The following IL1RAPL2 variants were observed in gnomAD, a reference collection of about 807,000 sequenced individuals.
The protein encoded by IL1RAPL2 is interleukin 1 receptor accessory protein like 2.
IL1RAPL2 carries 3 observed loss-of-function variants against 44.1 expected under a neutral mutation model. The ratio of observed to expected loss-of-function variants is 0.07; its 90% CI spans 0.03 to 0.18. The LOEUF (loss-of-function observed/expected upper bound fraction) is 0.18, where lower values mean the gene tolerates loss of function less well. Ranked by LOEUF, IL1RAPL2 falls within the 10% of genes least tolerant of loss-of-function variation. The pLI is 1.00. For missense variants in IL1RAPL2, 391 were observed against 496.4 expected (o/e 0.79, Z 2.02); for synonymous variants, 181 against 178.8 (o/e 1.01, Z -0.10).
At chrX:104,843,355 A>T (rs746550927) in intron 2 of IL1RAPL2, among the ~76,000 whole-genome samples, 10 of 111,021 alleles carry the variant, frequency 9.0e-5, no homozygotes, top group Non-Finnish European at 1.7e-4. Flanking sequence ...TGGGAGCGGG[A>T]CCCACTGAGC....
chrX:104,631,318 T>G (rs1929642389), intron 1 of IL1RAPL2, among the ~76,000 whole-genome samples: 1 of 112,185 alleles, frequency 8.9e-6, no homozygotes, highest in South Asian at 3.8e-4. Context: ...TGTGTCTTTA[T>G]AGAAGCATGA....
At chrX:105,726,907 C>T (rs945996521) in intron 7 of IL1RAPL2, among the ~76,000 whole-genome samples, 2 of 111,169 alleles carry the variant, frequency 1.8e-5, no homozygotes, top group Admixed American at 1.9e-4. Context: ...GCCCCTCCCT[C>T]AATGCATTGA....
At chrX:105,600,641 T>A (rs210732) in intron 6 of IL1RAPL2, among the ~76,000 whole-genome samples, 52,248 of 107,432 alleles carry the variant, frequency 0.49, 10,909 homozygotes, top group African/African-American at 0.81. Context: ...TTATAAAGAA[T>A]TTATAATTTA....
intron 2 of IL1RAPL2, among the ~76,000 whole-genome samples, chrX:105,122,544 C>T (rs766045789): frequency 9.0e-6 from 1 of 111,487 alleles, no homozygotes; most frequent in African/African-American, 3.2e-5. Context: ...CAGACAGATG[C>T]CCATTGCTCT....
chrX:105,089,898 A>T (rs1016157360), intron 2 of IL1RAPL2, among the ~76,000 whole-genome samples: 2 of 112,006 alleles, frequency 1.8e-5, no homozygotes, highest in Non-Finnish European at 3.8e-5. Flanking sequence ...TAGGAAAAGC[A>T]GTAAGAGTTA....
chrX:104,628,820 A>G (rs1929573083), intron 1 of IL1RAPL2, among the ~76,000 whole-genome samples: 1 of 112,456 alleles, frequency 8.9e-6, no homozygotes, highest in Non-Finnish European at 1.9e-5. Flanking sequence ...AATCTATACT[A>G]CAGCAATCCA....
chrX:105,365,208 A>G (rs2035284718), intron 5 of IL1RAPL2, among the ~76,000 whole-genome samples: 1 of 111,517 alleles, frequency 9.0e-6, no homozygotes, highest in African/African-American at 3.3e-5. Flanking sequence ...ACATTTATTG[A>G]TTTACATATG....
chrX:105,070,688 T>C lies in IL1RAPL2; in HGVS notation c.83-124787T>C, dbSNP rs761378686. 4.6e-5 allele frequency among the ~76,000 whole-genome samples: 5 copies of C among 109,154 alleles called. No individual in the cohort carries two copies. The South Asian group carries it at 1.2e-3, about 26-fold the overall frequency. The allele number at this position is 109,154 out of a possible 115,157, so 94.8% of individuals were successfully genotyped here. On this transcript the variant is annotated intron_variant, in intron 2 of 10. Coordinates refer to ENST00000372582, the MANE Select transcript of IL1RAPL2 (RefSeq NM_017416.2). ...CAGCCTGGGCAACAGAGTAAGACTCTGTCTCAAAAAATAAAAATAAAAAAA... is the reference window on the plus strand; with the variant it reads ...CAGCCTGGGCAACAGAGTAAGACTCCGTCTCAAAAAATAAAAATAAAAAAA...
chrX:104,953,351 T>A (rs1925635639), intron 2 of IL1RAPL2, among the ~76,000 whole-genome samples: 1 of 111,977 alleles, frequency 8.9e-6, no homozygotes, highest in African/African-American at 3.2e-5. Context: ...AGTTAGAGAA[T>A]CCTTTATAAA....
rs188299185 is a variant in IL1RAPL2, at chrX:104,919,969, T to C, written c.82+260974T>C. On this transcript the variant is annotated intron_variant, in intron 2 of 10. Transcript: ENST00000372582. ...CTTGTATGTCCTGCATGGAGGCCTC[T>C]CTATTGCCACTGAGGCATAAGAGGC... Among the ~76,000 whole-genome samples the C allele has an allele frequency of 8.6e-4, 96 of 111,231 alleles. 1 individual carries two copies. The Admixed American group carries it at 8.8e-3, about 10-fold the overall frequency.
At chrX:105,621,511 C>T (rs1250908027) in intron 6 of IL1RAPL2, among the ~76,000 whole-genome samples, 1 of 111,315 alleles carries the variant, frequency 9.0e-6, no homozygotes, top group East Asian at 2.8e-4. Flanking sequence ...GTAGTGAGGC[C>T]GTCCTCTGGA....
At chrX:105,531,705 A>G (rs1208291108) in intron 6 of IL1RAPL2, among the ~76,000 whole-genome samples, 14 of 111,886 alleles carry the variant, frequency 1.3e-4, no homozygotes, top group Non-Finnish European at 2.6e-4. Context: ...AGATTTAAAT[A>G]CTTAATCCAT....
intron 5 of IL1RAPL2, among the ~76,000 whole-genome samples, chrX:105,391,769 GA>G (rs1370452716): frequency 1.5e-5 from 1 of 66,546 alleles, no homozygotes; most frequent in African/African-American, 6.3e-5. Context: ...TGATAGACTG[GA>G]TTAAGAAAAT....
chrX:105,297,026 G>C (rs2034658660), intron 5 of IL1RAPL2, among the ~76,000 whole-genome samples: 1 of 112,076 alleles, frequency 8.9e-6, no homozygotes, highest in Admixed American at 9.5e-5. Flanking sequence ...ATGTAAAATA[G>C]TGGTAAGTGC....
intron 2 of IL1RAPL2, among the ~76,000 whole-genome samples, chrX:104,671,751 G>C (rs771240064): frequency 8.9e-6 from 1 of 111,853 alleles, no homozygotes; most frequent in Admixed American, 9.5e-5. Context: ...TGGCACCCTA[G>C]CAGTCTTTAG....
chrX:104,937,461 C>A (rs1367859613), intron 2 of IL1RAPL2, among the ~76,000 whole-genome samples: 2 of 111,962 alleles, frequency 1.8e-5, no homozygotes, highest in African/African-American at 6.5e-5. Context: ...AGAAGACATA[C>A]CCAGTTACTA....
At chrX:104,572,965 T>C (rs150344955) in intron 1 of IL1RAPL2, among the ~76,000 whole-genome samples, 137 of 112,098 alleles carry the variant, frequency 1.2e-3, no homozygotes, top group Non-Finnish European at 2.2e-3. Flanking sequence ...ATTTACCTTG[T>C]TCTGCAAACA....
intron 2 of IL1RAPL2, among the ~76,000 whole-genome samples, chrX:104,674,740 G>A (rs1416480399): frequency 9.1e-6 from 1 of 109,838 alleles, no homozygotes; most frequent in Non-Finnish European, 1.9e-5. Flanking sequence ...ACTCTTTTTG[G>A]TTGGTAAGCT....
At chrX:105,709,676 T>C (rs1427856013) in intron 6 of IL1RAPL2, among the ~76,000 whole-genome samples, 2 of 111,756 alleles carry the variant, frequency 1.8e-5, no homozygotes, top group Non-Finnish European at 1.9e-5. Context: ...TAGTACTCTT[T>C]ACATGAAATG....
Sources: allele counts gnomAD v4.1 joint callset (sites outside exome capture counted in the v4.1 genomes callset), GRCh38; gene constraint gnomAD v4.1.1; transcripts MANE v1.5; gene names NCBI Gene and HGNC (gene_info 2026-07-23, HGNC 2026-07-21).